The following CORO6 variants were observed in gnomAD, a reference collection of about 807,000 sequenced individuals.
CORO6 encodes coronin 6.
In CORO6, 43 loss-of-function variants were observed where a neutral mutation model predicts 49.0. The ratio of observed to expected loss-of-function variants is 0.88; its 90% CI spans 0.69 to 1.13. The LOEUF is 1.13. Among genes scored for constraint, CORO6 ranks in the 50% most tolerant of loss-of-function variants. CORO6 has a pLI of 0.00. For synonymous variants in CORO6, 233 were observed against 256.5 expected (o/e 0.91, Z 0.88); for missense variants, 650 against 647.0 (o/e 1.00, Z -0.05).
intron 2 of CORO6, among the ~76,000 whole-genome samples, chr17:29,620,816 G>GGGAT (rs1262835376): frequency 6.6e-6 from 1 of 152,150 alleles, no homozygotes; most frequent in Non-Finnish European, 1.5e-5. Flanking sequence ...TTGCTGCTCT[G>GGGAT]GGATGTGACT....
rs1299084048 is a variant in CORO6 at position 29,614,778 on chromosome 17, C to CT, written c.*953dup. 6.6e-6 allele frequency: 1 copy of CT among 152,546 alleles called. No individual in the cohort carries two copies. The highest frequency in any genetic ancestry group is 2.4e-5 in the African/African-American group (1 of 41,450). 9.4% of individuals were successfully genotyped at this position (152,546 alleles called of 1,614,324 possible). A position where few individuals can be genotyped will look rare whatever the true frequency, so the allele number is the denominator to read the frequency against. ...CATACCGGAGGCTTTTGCTACCTAA[C>CT]TTTACTTGGGGGGAACGCCTACGGT... On this transcript the variant is annotated 3_prime_UTR_variant, in exon 11 of 11. Transcript: ENST00000388767.
intron 3 of CORO6, among the ~76,000 whole-genome samples, 154 bp downstream of exon 3, chr17:29,619,497 C>T: frequency 6.6e-6 from 1 of 152,110 alleles, no homozygotes; most frequent in East Asian, 1.9e-4. Context: ...AGGGGGTGGG[C>T]ATGTAGCTAA....
chr17:29,616,105 C>A lies in CORO6; in HGVS notation c.1133G>T (p.Trp378Leu). The change falls in exon 10 of 11, where the codon TGG (tryptophan) becomes TTG (leucine). Residue 378 changes from tryptophan to leucine, a missense_variant. By Grantham distance (61) the Trp-to-Leu change is moderately conservative. Transcript: ENST00000388767. The surrounding 1 kb of genome is among the most constrained non-coding windows in gnomAD (Gnocchi z 5.6). ...GPEPALEADEWLSGQDAEPVL... is the reference protein window; with the variant it reads ...GPEPALEADELLSGQDAEPVL... ...GGGTTCGGCGTCCTGGCCGGATAGC[C>A]ATTCGTCCGCTTCTAGGGCCGGCTC... The A allele has an allele frequency of 6.2e-7, 1 of 1,613,254 alleles. No homozygotes were observed. Among genetic ancestry groups the A allele is most frequent in the Non-Finnish European group, 8.5e-7 (1 of 1,180,014 alleles).
chr17:29,622,796 G>GGT lies in CORO6; in HGVS notation c.-174_-173dup. 5 of 1,315,530 alleles carry GGT rather than the reference G, an allele frequency of 3.8e-6. No homozygotes were observed. The highest frequency in any genetic ancestry group is 4.0e-6 in the Non-Finnish European group (4 of 996,808). The allele number at this position is 1,315,530 out of a possible 1,614,324, so 81.5% of individuals were successfully genotyped here. On this transcript the variant is annotated 5_prime_UTR_variant, in exon 1 of 11. It introduces an in-frame stop codon into an upstream open reading frame of the 5' UTR. Transcript: ENST00000388767. ...TCAGGGCGAAGGAGCCACCTCTCCG[G>GGT]GTGTCTGTAGTATCTGGGACCCGGG... is the stretch of plus-strand genomic sequence containing the variant.
chr17:29,618,494 G>A (rs1269198801), intron 5 of CORO6: 21 of 1,311,016 alleles, frequency 1.6e-5, no homozygotes, highest in Non-Finnish European at 2.0e-5. Context: ...GGTTCTGGTG[G>A]GAGGATGGAG....
chr17:29,622,630 C>G, intron 1 of CORO6, 58 bp downstream of exon 1: 1 of 1,064,300 alleles, frequency 9.4e-7, no homozygotes. Flanking sequence ...CTCTGCCCCT[C>G]AGGGACCCCG....
Position 29,621,146 on chromosome 17 carries a change from G to C in CORO6, c.198+78C>G. The C allele has an allele frequency of 6.5e-7, 1 of 1,547,186 alleles. No homozygotes were observed. The highest frequency in any genetic ancestry group is 8.8e-7 in the Non-Finnish European group (1 of 1,130,940). Reference sequence around the variant, plus strand: ...TTCTCCTGACTATGGAATGGAACTAGGTGAGAACAAAGGCTCAGGAGTTCC... The same window carrying C: ...TTCTCCTGACTATGGAATGGAACTACGTGAGAACAAAGGCTCAGGAGTTCC... On this transcript the variant is annotated intron_variant, in intron 2 of 10. Coordinates refer to ENST00000388767, the MANE Select transcript of CORO6 (RefSeq NM_032854.4). The surrounding 1 kb of genome is among the most constrained non-coding windows in gnomAD (Gnocchi z 4.2).
Position 29,622,904 on chromosome 17 carries a change from T to C in CORO6, c.-280A>G. Reference sequence around the variant, plus strand: ...GCCCCAGCTGCCGCTGCCATCAACCTAAGAGGGCGGGGCTAGCATAGGGGC... The same window carrying C: ...GCCCCAGCTGCCGCTGCCATCAACCCAAGAGGGCGGGGCTAGCATAGGGGC... On this transcript the variant is annotated 5_prime_UTR_variant, in exon 1 of 11. Transcript: ENST00000388767. 1 of 1,131,604 alleles carries C rather than the reference T, an allele frequency of 8.8e-7. No individual in the cohort carries two copies. Among genetic ancestry groups the C allele is most frequent in the South Asian group, 1.4e-5 (1 of 73,062 alleles). 70.1% of individuals were successfully genotyped at this position (1,131,604 alleles called of 1,614,324 possible).
chr17:29,620,457 C>T (rs1205536352), intron 2 of CORO6, among the ~76,000 whole-genome samples: 1 of 152,168 alleles, frequency 6.6e-6, no homozygotes, highest in African/African-American at 2.4e-5. Context: ...GGCTGTGTCC[C>T]AGGATGATGT....
In CORO6 at chr17:29,622,757, G is replaced by A; in HGVS notation, c.-133C>T. Reference sequence around the variant, plus strand: ...GCGGAAGGGGCCCGAGTGCGTAGGGGGCCGAGGAAGGCTTCAGGGCGAAGG... The same window carrying A: ...GCGGAAGGGGCCCGAGTGCGTAGGGAGCCGAGGAAGGCTTCAGGGCGAAGG... On this transcript the variant is annotated 5_prime_UTR_variant, in exon 1 of 11. Coordinates refer to ENST00000388767, the MANE Select transcript of CORO6 (RefSeq NM_032854.4). The A allele has an allele frequency of 1.5e-6, 2 of 1,321,374 alleles. No homozygotes were observed. Among genetic ancestry groups the A allele is most frequent in the Non-Finnish European group, 2.0e-6 (2 of 1,000,998 alleles). The allele number at this position is 1,321,374 out of a possible 1,614,324, so 81.9% of individuals were successfully genotyped here. A position where few individuals can be genotyped will look rare whatever the true frequency, so the allele number is the denominator to read the frequency against.
At chr17:29,617,974 C>G in intron 5 of CORO6, 1 of 1,284,296 alleles carries the variant, frequency 7.8e-7, no homozygotes, top group Non-Finnish European at 1.0e-6. Flanking sequence ...TGGGCGCCAG[C>G]CACAGCCCGG....
Position 29,616,644 on chromosome 17 carries a change from C to A in CORO6, c.1004+58G>T, listed in dbSNP as rs2034944664. On this transcript the variant is annotated intron_variant, in intron 8 of 10. Coordinates refer to ENST00000388767, the MANE Select transcript of CORO6 (RefSeq NM_032854.4). This position sits in a 1 kb window ranked among gnomAD's most constrained non-coding sequence, Gnocchi z 5.6. ...ACTGGGGAAGCCCCGTGGCTAGGAC[C>A]CGACATGAGTGGGGGACAGAGGCGG... The A allele has an allele frequency of 1.1e-5, 17 of 1,591,136 alleles. No homozygotes were observed. In the South Asian group the frequency reaches 1.7e-4, roughly 16 times the overall value.
At chr17:29,620,523 C>G (rs1185659254) in intron 2 of CORO6, among the ~76,000 whole-genome samples, 1 of 152,154 alleles carries the variant, frequency 6.6e-6, no homozygotes, top group Non-Finnish European at 1.5e-5. Flanking sequence ...GACCCCGCCA[C>G]CTGTGGAGCC....
rs1210864305 is a variant in CORO6 at position 29,616,386 on chromosome 17, T to G, written c.1005-50A>C. 1.3e-6 allele frequency: 2 copies of G among 1,549,442 alleles called. No homozygotes were observed. Among genetic ancestry groups the G allele is most frequent in the Non-Finnish European group, 1.7e-6 (2 of 1,143,182 alleles). On this transcript the variant is annotated intron_variant, in intron 8 of 10. Coordinates refer to ENST00000388767, the MANE Select transcript of CORO6 (RefSeq NM_032854.4). The surrounding 1 kb of genome is among the most constrained non-coding windows in gnomAD (Gnocchi z 5.6). ...CCTCGCAGACTTCCACGTCCTTAAC[T>G]TCTCCTGTCTAAGACCAAGGGGGTT...
At position 29,616,312 on chromosome 17, in the gene CORO6, C is replaced by A; in HGVS notation, c.1029G>T (p.Lys343Asn). Residue 343 changes from lysine (K) to asparagine (N), a missense_variant, in exon 9 of 11, where the codon AAG (lysine) becomes AAT (asparagine). Lys to Asn is a moderately conservative substitution (Grantham distance 94, BLOSUM62 0). Transcript: ENST00000388767. This position sits in a 1 kb window ranked among gnomAD's most constrained non-coding sequence, Gnocchi z 5.6. The part of the protein sequence containing the change: ...IARFYKLHER[K>N]CEPIIMTVPR... ...GCACAGTCATGATGATAGGTTCACA[C>A]TTTCTTTCGTGTAGCTTGTAGAACC... The A allele has an allele frequency of 6.2e-7, 1 of 1,609,786 alleles. No individual in the cohort carries two copies. The highest frequency in any genetic ancestry group is 1.7e-4 in the Middle Eastern group (1 of 6,060).
Position 29,616,216 on chromosome 17 carries a change from G to A in CORO6, c.1063-41C>T. On this transcript the variant is annotated intron_variant, in intron 9 of 10. Coordinates refer to ENST00000388767, the MANE Select transcript of CORO6 (RefSeq NM_032854.4). This position sits in a 1 kb window ranked among gnomAD's most constrained non-coding sequence, Gnocchi z 5.6. ...GACAGGAGGACTTGCGTGAGAGGGT[G>A]CGGGGCTTGCTCCGCTCCCTTCCGC... The A allele has an allele frequency of 6.8e-6, 11 of 1,610,436 alleles. No individual in the cohort carries two copies. The highest frequency in any genetic ancestry group is 9.3e-6 in the Non-Finnish European group (11 of 1,177,864).
At position 29,616,106 on chromosome 17, in the gene CORO6, A is replaced by G; in HGVS notation, c.1132T>C (p.Trp378Arg). Residue 378 changes from tryptophan (W) to arginine (R), a missense_variant, in exon 10 of 11, where the codon TGG (tryptophan) becomes CGG (arginine). Trp to Arg is a moderately radical substitution (Grantham distance 101). Coordinates refer to ENST00000388767, the MANE Select transcript of CORO6 (RefSeq NM_032854.4). The surrounding 1 kb of genome is among the most constrained non-coding windows in gnomAD (Gnocchi z 5.6). ...GPEPALEADE[W>R]LSGQDAEPVL... ...GGTTCGGCGTCCTGGCCGGATAGCCATTCGTCCGCTTCTAGGGCCGGCTCC... is the reference window on the plus strand; with the variant it reads ...GGTTCGGCGTCCTGGCCGGATAGCCGTTCGTCCGCTTCTAGGGCCGGCTCC... 4.3e-6 allele frequency: 7 copies of G among 1,613,224 alleles called. No individual in the cohort carries two copies. Among genetic ancestry groups the G allele is most frequent in the Non-Finnish European group, 5.9e-6 (7 of 1,180,008 alleles).
Position 29,616,341 on chromosome 17 carries a change from A to T in CORO6, c.1005-5T>A. 1.9e-6 allele frequency: 3 copies of T among 1,600,360 alleles called. No homozygotes were observed. Among genetic ancestry groups the T allele is most frequent in the Non-Finnish European group, 2.6e-6 (3 of 1,172,686 alleles). ...CTTTCGTGTAGCTTGTAGAACCTAT[A>T]AGGGAGCAGGGTTCAGCACCCTCGC... On this transcript the variant is annotated splice_polypyrimidine_tract_variant and splice_region_variant and intron_variant, in intron 8 of 10. Coordinates refer to ENST00000388767, the MANE Select transcript of CORO6 (RefSeq NM_032854.4). This position sits in a 1 kb window ranked among gnomAD's most constrained non-coding sequence, Gnocchi z 5.6.
rs1342676211 is a variant in CORO6 at position 29,618,908 on chromosome 17, T to C, written c.515A>G (p.Asp172Gly). The C allele has an allele frequency of 6.2e-6, 10 of 1,613,780 alleles. No homozygotes were observed. The highest frequency in any genetic ancestry group is 1.6e-4 in the Middle Eastern group (1 of 6,084). The change falls in exon 5 of 11, where the codon GAT becomes GGT. Residue 172 changes from aspartate to glycine, a missense_variant. Physicochemically the swap from Asp to Gly is moderately conservative, Grantham distance 94. Transcript: ENST00000388767. The part of the protein sequence containing the change: ...GTGEVLLSLD[D>G]MHPDVIHSVC... ...ACTGTGGATGACGTCTGGGTGCATA[T>C]CATCCAGGCTCAGCAGCACCTCCCC...
Sources: gnomAD v4.1 joint callset for allele counts (sites outside exome capture counted in the v4.1 genomes callset) on GRCh38, gnomAD v4.1.1 for gene constraint, Gnocchi (gnomAD v3.1) non-coding constraint, MANE v1.5 for transcripts, NCBI Gene and HGNC (gene_info 2026-07-23, HGNC 2026-07-21) for gene names.